Variants in BABAM2 observed in about 807,000 individuals in gnomAD.
BABAM2 encodes BRISC and BRCA1 A complex member 2, also known as BRISC and BRCA1-A complex member 2.
Under a neutral mutation model 54.7 loss-of-function variants are expected in BABAM2, and 31 were observed. The observed-to-expected ratio is 0.57, with a 90% CI of 0.43 to 0.77. The LOEUF is 0.77. Among genes scored for constraint, BABAM2 ranks in the 30% least tolerant of loss-of-function variants. BABAM2 has a pLI of 0.00. For synonymous variants in BABAM2, 167 were observed against 162.9 expected, an observed-to-expected ratio of 1.03 and a Z score of -0.19; for missense variants, 364 against 455.8, an observed-to-expected ratio of 0.80 and a Z score of 1.83.
intron 7 of BABAM2, among the ~76,000 whole-genome samples, chr2:28,169,062 CTG>C (rs1429504213): frequency 6.6e-6 from 1 of 152,174 alleles, no homozygotes; most frequent in Non-Finnish European, 1.5e-5. Context: ...ACTTGGTTAA[CTG>C]TGTTCTATTA....
At chr2:28,278,939 C>CATGTGCCTTAGA (rs1341133087) in intron 10 of BABAM2, among the ~76,000 whole-genome samples, 1 of 152,188 alleles carries the variant, frequency 6.6e-6, no homozygotes, top group African/African-American at 2.4e-5. Context: ...TTAGAGTAGG[C>CATGTGCCTTAGA]GGAAGCCAGA....
intron 6 of BABAM2, among the ~76,000 whole-genome samples, chr2:28,082,040 GA>G (rs1350715144): frequency 6.6e-6 from 1 of 152,066 alleles, no homozygotes; most frequent in Non-Finnish European, 1.5e-5. Context: ...TGGAGGTAAG[GA>G]AACATATTGA....
At chr2:28,136,506 A>C (rs1462266156) in intron 7 of BABAM2, among the ~76,000 whole-genome samples, 2 of 152,220 alleles carry the variant, frequency 1.3e-5, no homozygotes, top group African/African-American at 4.8e-5. Context: ...CTGTGACACT[A>C]TGTGCATGTT....
At chr2:28,232,371 A>AT (rs1163486153) in intron 7 of BABAM2, among the ~76,000 whole-genome samples, 1 of 152,148 alleles carries the variant, frequency 6.6e-6, no homozygotes, top group Non-Finnish European at 1.5e-5. Flanking sequence ...GACTCCCTGC[A>AT]TTTTTCTAAG....
At chr2:28,308,433 A>G in intron 11 of BABAM2, 1 of 525,854 alleles carries the variant, frequency 1.9e-6, no homozygotes, top group Non-Finnish European at 3.8e-6. Flanking sequence ...AAGATAGAAG[A>G]CAACAACACA....
chr2:28,335,475 C>T (rs920859311), intron 11 of BABAM2, among the ~76,000 whole-genome samples: 1 of 152,188 alleles, frequency 6.6e-6, no homozygotes, highest in Admixed American at 6.5e-5. Flanking sequence ...CAGCCTCTCC[C>T]GCCTTCTTAA....
chr2:27,890,611 G>C, upstream of BABAM2: 1 of 423,224 alleles, frequency 2.4e-6, no homozygotes, highest in Admixed American at 4.4e-5. This position sits in a 1 kb window ranked among gnomAD's most constrained non-coding sequence, Gnocchi z 4.8. Flanking sequence ...CAGGCGCTGA[G>C]GAAGGAACTG....
intron 11 of BABAM2, among the ~76,000 whole-genome samples, chr2:28,314,044 C>A (rs1689303069): frequency 6.6e-6 from 1 of 152,084 alleles, no homozygotes; most frequent in Admixed American, 6.5e-5. Flanking sequence ...TTCCAGGTAT[C>A]CAGAAAAGTG....
intron 7 of BABAM2, among the ~76,000 whole-genome samples, chr2:28,228,669 C>T (rs1049172449): frequency 4.0e-5 from 6 of 151,872 alleles, no homozygotes; most frequent in African/African-American, 1.5e-4. Flanking sequence ...AAAAAAAAAA[C>T]TTTTCTTCCC....
At chr2:28,031,898 TG>T (rs1676318962) in intron 5 of BABAM2, among the ~76,000 whole-genome samples, 3 of 152,234 alleles carry the variant, frequency 2.0e-5, no homozygotes, top group Non-Finnish European at 4.4e-5. Flanking sequence ...TATATTCAAC[TG>T]GCTTACTGAT....
chr2:28,026,906 AAATATATAT>A (rs1675834598), intron 5 of BABAM2, among the ~76,000 whole-genome samples: 3 of 27,732 alleles, frequency 1.1e-4, no homozygotes, highest in Non-Finnish European at 2.3e-4. Context: ...AAATATATAT[AAATATATAT>A]TAATATATAT....
chr2:28,254,880 C>G (rs913789338), intron 10 of BABAM2, among the ~76,000 whole-genome samples: 4 of 151,440 alleles, frequency 2.6e-5, no homozygotes, highest in Non-Finnish European at 5.9e-5. Context: ...ACTATAGACA[C>G]ACACCACCAT....
rs1691504721 is a variant in BABAM2 at position 28,336,749 on chromosome 2, G to A, written c.1089-1701G>A. On this transcript the variant is annotated intron_variant, in intron 11 of 11. Transcript: ENST00000379624. ...GGGCTGCAGTTGACTTGAAGGGGGC[G>A]GGCAGCCGGTGGCACCAGCCGCTGC... Among the ~76,000 whole-genome samples, 6 of 152,348 alleles carry A rather than the reference G, an allele frequency of 3.9e-5. No homozygotes were observed. In the South Asian group the frequency reaches 1.0e-3, roughly 26 times the overall value.
intron 3 of BABAM2, among the ~76,000 whole-genome samples, chr2:27,980,344 T>C (rs1671912802): frequency 6.6e-6 from 1 of 152,178 alleles, no homozygotes; most frequent in Admixed American, 6.5e-5. Flanking sequence ...TTATTGCTCT[T>C]CTATATGATT....
rs759100429 is a variant in BABAM2 at position 28,338,409 on chromosome 2, G to T, written c.1089-41G>T. 5 of 1,562,110 alleles carry T rather than the reference G, an allele frequency of 3.2e-6. No individual in the cohort carries two copies. The South Asian group carries it at 5.6e-5, about 17-fold the overall frequency. On this transcript the variant is annotated intron_variant, in intron 11 of 11. Coordinates refer to ENST00000379624, the MANE Select transcript of BABAM2 (RefSeq NM_199191.3). ...AGTTGCACTTTGTTTCAAGTTGTTT[G>T]TGCTAACCACAATTTTTTTTCTCCC...
Position 28,237,221 on chromosome 2 carries a change from G to T in BABAM2, c.700G>T (p.Ala234Ser). The T allele has an allele frequency of 6.2e-7, 1 of 1,613,816 alleles. No homozygotes were observed. Among genetic ancestry groups the T allele is most frequent in the Non-Finnish European group, 8.5e-7 (1 of 1,179,842 alleles). ...RIEHALGGSS[A>S]LHIPAFPGGG... ...TTTCAGTGCACTTGGAGGCTCCTCA[G>T]CTCTTCATATCCCAGCTTTTCCAGG... is the stretch of plus-strand genomic sequence containing the variant. Residue 234 changes from alanine (A) to serine (S), a missense_variant, in exon 8 of 12, where the codon GCT (alanine) becomes TCT (serine). Physicochemically the swap from Ala to Ser is moderately conservative, Grantham distance 99. Coordinates refer to ENST00000379624, the MANE Select transcript of BABAM2 (RefSeq NM_199191.3).
chr2:27,914,050 G>C (rs1018198029), intron 2 of BABAM2, among the ~76,000 whole-genome samples: 2 of 152,142 alleles, frequency 1.3e-5, no homozygotes, highest in African/African-American at 4.8e-5. Flanking sequence ...GTTAGCTTTA[G>C]TAGTCATATT....
chr2:28,114,089 G>A (rs1386138599), intron 6 of BABAM2, among the ~76,000 whole-genome samples: 3 of 152,168 alleles, frequency 2.0e-5, no homozygotes, highest in East Asian at 1.9e-4. Context: ...AAAGCTGGCA[G>A]CATTCCCTTT....
At chr2:28,287,739 G>A (rs1686944156) in intron 10 of BABAM2, among the ~76,000 whole-genome samples, 1 of 152,146 alleles carries the variant, frequency 6.6e-6, no homozygotes. Flanking sequence ...AGCCAGGCCC[G>A]AGGAAATGAG....
Sources: allele counts gnomAD v4.1 joint callset (sites outside exome capture counted in the v4.1 genomes callset), GRCh38; gene constraint gnomAD v4.1.1; non-coding constraint Gnocchi (gnomAD v3.1); transcripts MANE v1.5; gene names NCBI Gene and HGNC (gene_info 2026-07-23, HGNC 2026-07-21).